Variants in NEB observed in about 807,000 individuals in gnomAD.
The protein encoded by NEB is nebulin.
In NEB, 512 loss-of-function variants were observed where a neutral mutation model predicts 952.2. The ratio of observed to expected loss-of-function variants is 0.54; its 90% CI spans 0.50 to 0.58. NEB has a LOEUF of 0.58. NEB is among the 20% of genes least tolerant of loss of function. NEB has a pLI of 0.00. For missense variants in NEB, 8,428 were observed against 9,231.1 expected, an observed-to-expected ratio of 0.91 and a Z score of 3.56; for synonymous variants, 2,900 against 3,149.8, an observed-to-expected ratio of 0.92 and a Z score of 2.66.
At position 151,682,664 on chromosome 2, in the gene NEB, C is replaced by T; in HGVS notation, c.2941G>A (p.Glu981Lys). 6.2e-7 allele frequency: 1 copy of T among 1,610,476 alleles called. No homozygotes were observed. The change falls in exon 29 of 182, where the codon GAG (glutamate) becomes AAG (lysine). Residue 981 changes from glutamate (E) to lysine (K), a missense_variant and splice_region_variant. Physicochemically the swap from Glu to Lys is moderately conservative, Grantham distance 56 (BLOSUM62 1). Coordinates refer to ENST00000397345, the MANE Select transcript of NEB (RefSeq NM_001164508.2). ...TCTGACACACCCAGTGGCTTTACCT[C>T]ATTGAGGATGTCTGAAGCTCGCTTT... ...KAKRASDILN[E>K]KKYRQHPDTL...
chr2:151,524,082 C>T (rs2083833651), intron 153 of NEB, among the ~76,000 whole-genome samples: 1 of 152,126 alleles, frequency 6.6e-6, no homozygotes. Flanking sequence ...AGCACACAGA[C>T]ACCCAGACAA....
rs2093095109 is a variant in NEB, at chr2:151,535,918, T to C, written c.21208-123A>G. ...CATAGAACTAACACATATTCGTTTGTTTGTTTTGAGACAGGGTTTCACTCT... is the reference window on the plus strand; with the variant it reads ...CATAGAACTAACACATATTCGTTTGCTTGTTTTGAGACAGGGTTTCACTCT... On this transcript the variant is annotated intron_variant, in intron 141 of 181. Coordinates refer to ENST00000397345, the MANE Select transcript of NEB (RefSeq NM_001164508.2). The C allele has an allele frequency of 1.1e-5, 7 of 610,908 alleles. No homozygotes were observed. The East Asian group carries it at 2.2e-4, about 19-fold the overall frequency. The allele number at this position is 610,908 out of a possible 1,614,324, so 37.8% of individuals were successfully genotyped here.
At chr2:151,727,053 TAAAAAAAA>T (rs796713907) in intron 5 of NEB, among the ~76,000 whole-genome samples, 1 of 124,828 alleles carries the variant, frequency 8.0e-6, no homozygotes, top group African/African-American at 3.0e-5. Flanking sequence ...TTCTGTTTCT[TAAAAAAAA>T]AAAAAAAAAC....
chr2:151,714,793 G>A (rs1278739256), intron 10 of NEB, among the ~76,000 whole-genome samples: 4 of 151,980 alleles, frequency 2.6e-5, no homozygotes, highest in African/African-American at 7.3e-5. Context: ...CCTATTTTAG[G>A]GAGAAAGAAG....
rs138272049 is a variant in NEB, at chr2:151,562,037, C to G, written c.18996+73G>C. The G allele has an allele frequency of 3.4e-3, 4,001 of 1,186,250 alleles. 12 individuals carry two copies. Among genetic ancestry groups the G allele is most frequent in the Non-Finnish European group, 4.2e-3 (3,351 of 796,790 alleles). 73.5% of individuals were successfully genotyped at this position (1,186,250 alleles called of 1,614,324 possible). ...TGTTACAGCAACTTTCTTTGCCTGC[C>G]CATCAGCCCACTGACACCACCATGG... On this transcript the variant is annotated intron_variant, in intron 121 of 181. Coordinates refer to ENST00000397345, the MANE Select transcript of NEB (RefSeq NM_001164508.2).
Position 151,692,325 on chromosome 2 carries a change from T to A in NEB, c.1934A>T (p.Lys645Met), listed in dbSNP as rs181642642. Residue 645 changes from lysine (K) to methionine (M), a missense_variant, in exon 21 of 182, where the codon AAG becomes ATG. By Grantham distance (95) the Lys-to-Met change is moderately conservative. Around this residue, in one of 11 missense-constraint regions of NEB, gnomAD observed 2,851 missense variants for 2,791.5 expected, o/e 1.02. Coordinates refer to ENST00000397345, the MANE Select transcript of NEB (RefSeq NM_001164508.2). ...YKENYEKTKA[K>M]SMNYCETPKY... ...TGGGGTCTCACAGTAATTCATACTC[T>A]TTGCCTTTGTCTTCTCATAGTTTTC... 2 of 1,613,210 alleles carry A rather than the reference T, an allele frequency of 1.2e-6. No individual in the cohort carries two copies. Among genetic ancestry groups the A allele is most frequent in the South Asian group, 2.2e-5 (2 of 91,002 alleles).
chr2:151,499,320 T>C lies in NEB; in HGVS notation c.24092A>G (p.His8031Arg). The change falls in exon 169 of 182, where the codon CAC becomes CGC. Residue 8031 changes from histidine (H) to arginine (R), a missense_variant. By Grantham distance (29) the His-to-Arg change is conservative. This residue lies in a region of NEB where 3,374 missense variants were observed against 3,651.5 expected (regional missense o/e 0.92). Transcript: ENST00000397345. ...TACCGAACTAAAGTTTTCTTGATTG[T>C]GTTTGACTCTCTCCATCTCTGGAGT... Reference protein sequence around the residue: ...PITPEMERVKHNQENFSSVLY... With the variant: ...PITPEMERVKRNQENFSSVLY... The C allele has an allele frequency of 1.3e-6, 2 of 1,531,738 alleles. No homozygotes were observed. The highest frequency in any genetic ancestry group is 1.8e-6 in the Non-Finnish European group (2 of 1,135,550). The allele number at this position is 1,531,738 out of a possible 1,614,324, so 94.9% of individuals were successfully genotyped here. A position where few individuals can be genotyped will look rare whatever the true frequency, so the allele number is the denominator to read the frequency against.
At position 151,696,660 on chromosome 2, in the gene NEB, C is replaced by T. The variant is rs781776139; in HGVS notation, c.1546G>A (p.Val516Ile). 6.2e-7 allele frequency: 1 copy of T among 1,613,644 alleles called. No individual in the cohort carries two copies. The highest frequency in any genetic ancestry group is 1.1e-5 in the South Asian group (1 of 91,078). Residue 516 changes from valine (V) to isoleucine (I), a missense_variant, in exon 17 of 182, where the codon GTC becomes ATC. Val to Ile is a conservative substitution (Grantham distance 29, BLOSUM62 3). Transcript: ENST00000397345. ...ACGTCACTCAGTTGTTTGGAATTGA[C>T]TTGGGCTTGTAGCAGAACAGGAGAG... ...TDSPVLLQAQ[V>I]NSKQLSDLNY...
chr2:151,622,647 T>A lies in NEB; in HGVS notation c.10453-1621A>T, dbSNP rs555738592. On this transcript the variant is annotated intron_variant, in intron 71 of 181. Coordinates refer to ENST00000397345, the MANE Select transcript of NEB (RefSeq NM_001164508.2). ...GATTAAGAGAAAATTGTACACATTA[T>A]GGCCTTCATCCTTGAATACTTTACC... Among the ~76,000 whole-genome samples the A allele has an allele frequency of 1.1e-4, 17 of 152,314 alleles. 1 individual carries two copies. The South Asian group carries it at 3.1e-3, about 28-fold the overall frequency.
intron 63 of NEB, among the ~76,000 whole-genome samples, chr2:151,638,807 CTGTGTGTGTG>C (rs71996133): frequency 2.7e-5 from 4 of 147,846 alleles, no homozygotes; most frequent in Non-Finnish European, 6.0e-5. Context: ...TTCTCTCTCT[CTGTGTGTGTG>C]TGTGTGTGTG....
intron 129 of NEB, 37 bp from the exon 130 acceptor site, chr2:151,549,777 G>A: frequency 7.9e-7 from 1 of 1,268,228 alleles, no homozygotes; most frequent in Admixed American, 2.0e-5. Flanking sequence ...AATGACATCG[G>A]GCATCAAGTA....
At position 151,626,891 on chromosome 2, in the gene NEB, T is replaced by C. The variant is rs374345029; in HGVS notation, c.10347+111A>G. On this transcript the variant is annotated intron_variant, in intron 70 of 181. Transcript: ENST00000397345. Reference sequence around the variant, plus strand: ...AATAGAGAATTCAACTGAATCACTATACATTGGATAGCAATTTAATTGGAT... The same window carrying C: ...AATAGAGAATTCAACTGAATCACTACACATTGGATAGCAATTTAATTGGAT... 2.2e-4 allele frequency: 293 copies of C among 1,319,368 alleles called. 2 individuals are homozygous for C. In the African/African-American group the frequency reaches 3.8e-3, roughly 17 times the overall value. The allele number at this position is 1,319,368 out of a possible 1,614,324, so 81.7% of individuals were successfully genotyped here.
chr2:151,511,490 TC>T (rs775156909), intron 161 of NEB, among the ~76,000 whole-genome samples: 12 of 152,196 alleles, frequency 7.9e-5, no homozygotes, highest in Non-Finnish European at 1.3e-4. Flanking sequence ...AAAATAGATT[TC>T]CAGAGCCTAC....
At chr2:151,645,534 A>C (rs1330425262) in intron 55 of NEB, among the ~76,000 whole-genome samples, 1 of 152,220 alleles carries the variant, frequency 6.6e-6, no homozygotes, top group East Asian at 1.9e-4. Flanking sequence ...TTTATCCAGA[A>C]ACCAGATTAT....
At chr2:151,527,962 A>G (rs2087501908) in intron 146 of NEB, among the ~76,000 whole-genome samples, 1 of 152,242 alleles carries the variant, frequency 6.6e-6, no homozygotes, top group South Asian at 2.1e-4. Flanking sequence ...TCTGCCAGGC[A>G]CTTTTCTAAG....
chr2:151,563,970 A>G (rs1199018016), intron 117 of NEB, 40 bp from the exon 118 acceptor site: 6 of 1,427,254 alleles, frequency 4.2e-6, no homozygotes, highest in Admixed American at 4.0e-5. Flanking sequence ...GTTTTCTTTC[A>G]ACTTCTTTCA....
intron 76 of NEB, among the ~76,000 whole-genome samples, chr2:151,615,625 C>T (rs549830185): frequency 9.2e-5 from 14 of 152,268 alleles, no homozygotes; most frequent in South Asian, 2.1e-4. Flanking sequence ...GGCTGTTTCT[C>T]ACATATTATT....
At chr2:151,718,198 A>C (rs1158955806) in intron 9 of NEB, among the ~76,000 whole-genome samples, 1 of 152,100 alleles carries the variant, frequency 6.6e-6, no homozygotes, top group African/African-American at 2.4e-5. Context: ...CCACAGAAGA[A>C]AACCTGCAAC....
rs2096232582 is a variant in NEB at position 151,563,779 on chromosome 2, C to T, written c.18579+44G>A. ...GTTTCCTAACCAGCCCCTTGATCCC[C>T]AGTAAAGACTCTCAAACTTAGGAGA... On this transcript the variant is annotated intron_variant, in intron 118 of 181. Transcript: ENST00000397345. 3 of 1,607,890 alleles carry T rather than the reference C, an allele frequency of 1.9e-6. No individual in the cohort carries two copies. In the African/African-American group the frequency reaches 4.0e-5, roughly 21 times the overall value.
Sources: gnomAD v4.1 joint callset for allele counts (sites outside exome capture counted in the v4.1 genomes callset) on GRCh38, gnomAD v4.1.1 for gene constraint, gnomAD v4.1.1 regional missense constraint, MANE v1.5 for transcripts, NCBI Gene and HGNC (gene_info 2026-07-23, HGNC 2026-07-21) for gene names.